USP49: variants seen among roughly 807,000 people sequenced by gnomAD.
USP49 encodes ubiquitin carboxyl-terminal hydrolase 49.
USP49 carries 24 observed loss-of-function variants against 58.6 expected under a neutral mutation model. That is an observed-to-expected ratio of 0.41 (90% CI 0.30 to 0.58). The LOEUF (loss-of-function observed/expected upper bound fraction) is 0.58. Ranked by LOEUF, USP49 falls within the 20% of genes least tolerant of loss-of-function variation. The pLI, the probability that USP49 is intolerant of heterozygous loss-of-function variation, is 0.30. For missense variants in USP49, 703 were observed against 866.1 expected, an observed-to-expected ratio of 0.81 and a Z score of 2.36; for synonymous variants, 408 against 365.1, an observed-to-expected ratio of 1.12 and a Z score of -1.34.
At chr6:41,891,667 T>G (rs1774812844) in intron 2 of USP49, 127 bp downstream of exon 2, 1 of 152,190 alleles carries the variant, frequency 6.6e-6, no homozygotes, top group Non-Finnish European at 1.5e-5. Flanking sequence ...ATTAAACATG[T>G]GCTGGTTGGA....
chr6:41,836,190 T>C lies in USP49; in HGVS notation c.-28-29179A>G, dbSNP rs1020106004. ...GGGTTTTTTGGCTCATAGAGAACAC[T>C]AGGTCTTTCTTCACAAAGCAGTACC... On this transcript the variant is annotated intron_variant, in intron 3 of 7. Coordinates refer to ENST00000682992, the MANE Select transcript of USP49 (RefSeq NM_001286554.2). Among the ~76,000 whole-genome samples the C allele has an allele frequency of 7.9e-5, 12 of 152,132 alleles. 1 individual carries two copies. The highest frequency in any genetic ancestry group is 6.5e-4 in the Admixed American group (10 of 15,272).
intron 3 of USP49, among the ~76,000 whole-genome samples, chr6:41,816,979 T>C (rs1773363201): frequency 1.3e-5 from 2 of 151,884 alleles, no homozygotes; most frequent in Admixed American, 1.3e-4. Context: ...GTGTTGTGAT[T>C]ACAGGCATGA....
At chr6:41,813,368 A>G (rs1198853743) in intron 3 of USP49, among the ~76,000 whole-genome samples, 1 of 152,168 alleles carries the variant, frequency 6.6e-6, no homozygotes, top group Non-Finnish European at 1.5e-5. Flanking sequence ...CAGAGCTTCA[A>G]ATCCTACAAA....
At chr6:41,887,204 A>G (rs903608061) in intron 2 of USP49, 1 of 152,224 alleles carries the variant, frequency 6.6e-6, no homozygotes, top group Non-Finnish European at 1.5e-5. Flanking sequence ...GAAAAAGCTA[A>G]CACAACAGTA....
At chr6:41,810,523 TAATTC>T (rs1362522988) in intron 3 of USP49, among the ~76,000 whole-genome samples, 1 of 143,570 alleles carries the variant, frequency 7.0e-6, no homozygotes, top group African/African-American at 2.6e-5. Flanking sequence ...AATAAATAAA[TAATTC>T]AATTCCCTAA....
intron 1 of USP49, among the ~76,000 whole-genome samples, chr6:41,892,255 A>G (rs964218911): frequency 1.3e-5 from 2 of 152,084 alleles, no homozygotes; most frequent in African/African-American, 4.8e-5. Context: ...GTCTATAATC[A>G]CTTATATAAA....
At chr6:41,833,558 T>C (rs1269956992) in intron 3 of USP49, among the ~76,000 whole-genome samples, 2 of 152,216 alleles carry the variant, frequency 1.3e-5, no homozygotes, top group Non-Finnish European at 2.9e-5. Context: ...ACTCGAACAA[T>C]TTTTGAAAGA....
At chr6:41,894,393 C>G (rs2127368567) in intron 1 of USP49, 1 of 152,478 alleles carries the variant, frequency 6.6e-6, no homozygotes, top group Non-Finnish European at 1.5e-5. Flanking sequence ...CCACCACACT[C>G]TTATTCCTGA....
intron 3 of USP49, among the ~76,000 whole-genome samples, chr6:41,832,657 A>G (rs1773655173): frequency 6.6e-6 from 1 of 152,178 alleles, no homozygotes; most frequent in Non-Finnish European, 1.5e-5. Context: ...ATGAAAGGGT[A>G]TTTTTGGCAA....
chr6:41,866,629 C>T (rs929840565), intron 3 of USP49, among the ~76,000 whole-genome samples: 8 of 152,278 alleles, frequency 5.3e-5, no homozygotes, highest in Admixed American at 4.6e-4. Context: ...AACCACAGTG[C>T]TCATCACAGC....
At chr6:41,839,404 CAAAAAAAAAAAAAAAA>C (rs538220746) in intron 3 of USP49, among the ~76,000 whole-genome samples, 10 of 22,234 alleles carry the variant, frequency 4.5e-4, no homozygotes, top group South Asian at 2.4e-3. Context: ...GGCCTTGTCT[CAAAAAAAAAAAAAAAA>C]AAAAAAAAAA....
chr6:41,854,769 G>A (rs775195448), intron 3 of USP49, among the ~76,000 whole-genome samples: 35 of 151,958 alleles, frequency 2.3e-4, no homozygotes, highest in African/African-American at 7.3e-4. Flanking sequence ...ACAACGCCTT[G>A]GAGAGCCTTT....
chr6:41,810,013 G>A (rs1431494250), intron 3 of USP49, among the ~76,000 whole-genome samples: 9 of 150,074 alleles, frequency 6.0e-5, no homozygotes, highest in East Asian at 2.0e-4. Context: ...TTAGCCGGGC[G>A]CGGTGGCGGG....
intron 3 of USP49, among the ~76,000 whole-genome samples, chr6:41,810,568 A>AC (rs1773240108): frequency 6.8e-6 from 1 of 146,108 alleles, no homozygotes. Flanking sequence ...TTTTTTTGAG[A>AC]CAGAGCCTCA....
In USP49 at chr6:41,838,191, T is replaced by C. The variant is rs566466600; in HGVS notation, c.-28-31180A>G. ...AGCAATAATCACAATAGTAAAGACA[T>C]AGAACCAATCTAAATGCCCATCAAT... On this transcript the variant is annotated intron_variant, in intron 3 of 7. Transcript: ENST00000682992. Among the ~76,000 whole-genome samples, 7 of 152,302 alleles carry C rather than the reference T, an allele frequency of 4.6e-5. No individual in the cohort carries two copies. In the East Asian group the frequency reaches 9.6e-4, roughly 21 times the overall value.
chr6:41,871,960 G>GA (rs1394197562), intron 2 of USP49, among the ~76,000 whole-genome samples: 5 of 152,094 alleles, frequency 3.3e-5, no homozygotes, highest in East Asian at 1.9e-4. Flanking sequence ...TGAAACTCAG[G>GA]AAAAAACACA....
At position 41,791,994 on chromosome 6, in the gene USP49, A is replaced by G. The variant is rs1406083657; in HGVS notation, c.*4539T>C. On this transcript the variant is annotated 3_prime_UTR_variant, in exon 8 of 8. Transcript: ENST00000682992. ...TTCAGTAATGAGGCTGAGGGACCCA[A>G]TTTTCAAGTGTGCATTTGAGTGGGA... 2 of 152,242 alleles carry G rather than the reference A, an allele frequency of 1.3e-5. No individual in the cohort carries two copies. Among genetic ancestry groups the G allele is most frequent in the African/African-American group, 2.4e-5 (1 of 41,470 alleles). 9.4% of individuals were successfully genotyped at this position (152,242 alleles called of 1,614,324 possible).
chr6:41,802,460 A>ATTTTTTTTTT (rs71545916), intron 5 of USP49, among the ~76,000 whole-genome samples: 1 of 71,396 alleles, frequency 1.4e-5, no homozygotes, highest in African/African-American at 5.8e-5. Context: ...TTATTTATTT[A>ATTTTTTTTTT]TTTATTTATT....
At chr6:41,849,757 G>A (rs2479721) in intron 3 of USP49, among the ~76,000 whole-genome samples, 65,475 of 151,522 alleles carry the variant, frequency 0.43, 14,354 homozygotes, top group Middle Eastern at 0.49. Flanking sequence ...ACAGGCACGC[G>A]CCGCCACGCC....
Sources: gnomAD v4.1 joint callset for allele counts (sites outside exome capture counted in the v4.1 genomes callset) on GRCh38, gnomAD v4.1.1 for gene constraint, MANE v1.5 for transcripts, NCBI Gene and HGNC (gene_info 2026-07-23, HGNC 2026-07-21) for gene names.